The following CTBP2 variants were observed in gnomAD, a reference collection of about 807,000 sequenced individuals.
CTBP2 encodes C-terminal binding protein 2.
CTBP2 carries 30 observed loss-of-function variants against 80.3 expected under a neutral mutation model. The observed-to-expected ratio is 0.37, with a 90% confidence interval of 0.28 to 0.51. The LOEUF is 0.51. CTBP2 is among the 20% of genes least tolerant of loss of function. The pLI, the probability that CTBP2 is intolerant of heterozygous loss-of-function variation, is 0.93. For synonymous variants in CTBP2, 594 were observed against 587.4 expected (o/e 1.01, Z -0.16); for missense variants, 1,212 against 1,375.3 (o/e 0.88, Z 1.88).
At chr10:125,002,441 A>T (rs926735495) in intron 3 of CTBP2, among the ~76,000 whole-genome samples, 1 of 152,170 alleles carries the variant, frequency 6.6e-6, no homozygotes, top group Non-Finnish European at 1.5e-5. Flanking sequence ...CTCTGTCATC[A>T]ACTGTGTTGG....
chr10:125,086,289 T>C (rs915852810), intron 2 of CTBP2, among the ~76,000 whole-genome samples: 13 of 152,108 alleles, frequency 8.5e-5, no homozygotes, highest in Non-Finnish European at 1.8e-4. Flanking sequence ...CCTAGCACTT[T>C]GGGAGGCCGA....
chr10:124,997,926 C>T (rs367714862), intron 4 of CTBP2, 38 bp downstream of exon 6: 343 of 1,583,110 alleles, frequency 2.2e-4, no homozygotes, highest in Non-Finnish European at 2.5e-4. Flanking sequence ...GCCCCAGTGT[C>T]GGAGGGGTTG....
chr10:125,055,624 A>C (rs1963724815), intron 2 of CTBP2, among the ~76,000 whole-genome samples: 1 of 152,214 alleles, frequency 6.6e-6, no homozygotes, highest in South Asian at 2.1e-4. Flanking sequence ...AAACACGGCT[A>C]CGTCTCACAA....
At chr10:125,144,883 C>A (rs1050418265) in intron 1 of CTBP2, among the ~76,000 whole-genome samples, 6 of 152,206 alleles carry the variant, frequency 3.9e-5, no homozygotes, top group Admixed American at 3.3e-4. Context: ...ACTGCCCAGC[C>A]TCATCTCAAT....
intron 2 of CTBP2, among the ~76,000 whole-genome samples, chr10:125,105,275 A>AAC (rs763298003): frequency 6.6e-6 from 1 of 152,196 alleles, no homozygotes. Context: ...GCTACTCTGG[A>AAC]ACCTGAGGAC....
At chr10:125,021,429 G>C (rs1280046863) in intron 1 of CTBP2, among the ~76,000 whole-genome samples, 1 of 152,168 alleles carries the variant, frequency 6.6e-6, no homozygotes, top group Non-Finnish European at 1.5e-5. Context: ...ATATTCCTGG[G>C]GTCTACGGCA....
At chr10:125,143,587 C>A (rs1301219589) in intron 1 of CTBP2, among the ~76,000 whole-genome samples, 1 of 152,190 alleles carries the variant, frequency 6.6e-6, no homozygotes. Context: ...TTACTAAATT[C>A]TAAAGCTTTT....
chr10:125,131,641 A>G (rs951155644), intron 1 of CTBP2, among the ~76,000 whole-genome samples: 2 of 152,204 alleles, frequency 1.3e-5, no homozygotes, highest in East Asian at 1.9e-4. Flanking sequence ...AAACAAGCCT[A>G]AAATTGTGTA....
chr10:125,124,601 AATC>A (rs1854909893), intron 1 of CTBP2, among the ~76,000 whole-genome samples: 1 of 152,366 alleles, frequency 6.6e-6, no homozygotes, highest in Admixed American at 6.5e-5. Flanking sequence ...ATCACTTTCA[AATC>A]ATCAACATTG....
chr10:125,036,668 GGTGTGTGTGTGT>G (rs59284647), intron 3 of CTBP2, among the ~76,000 whole-genome samples: 11,380 of 119,266 alleles, frequency 0.095, 467 homozygotes, highest in African/African-American at 0.16. Context: ...AGCTAGAGGG[GGTGTGTGTGTGT>G]GTGTGTGTGT....
At chr10:125,098,657 G>GGGGAGAGAGAGAGAGAGAGAGAGA (rs1849951176) in intron 2 of CTBP2, among the ~76,000 whole-genome samples, 1 of 44,968 alleles carries the variant, frequency 2.2e-5, no homozygotes, top group African/African-American at 9.7e-5. Context: ...TGGGGGAGGG[G>GGGGAGAGAGAGAGAGAGAGAGAGA]GAGAGAGAGA....
chr10:125,101,234 T>A (rs1366537594), intron 2 of CTBP2, among the ~76,000 whole-genome samples: 1 of 152,260 alleles, frequency 6.6e-6, no homozygotes, highest in Non-Finnish European at 1.5e-5. Context: ...GAAGTGGCCG[T>A]GTTCCCGGCC....
intron 1 of CTBP2, among the ~76,000 whole-genome samples, chr10:125,157,296 G>A (rs2133509577): frequency 6.7e-6 from 1 of 150,284 alleles, no homozygotes; most frequent in East Asian, 2.0e-4. Context: ...CAGTTTCAAA[G>A]CTCCCAGGCG....
chr10:125,143,437 C>T (rs776712874), intron 1 of CTBP2, among the ~76,000 whole-genome samples: 5 of 152,186 alleles, frequency 3.3e-5, no homozygotes, highest in Non-Finnish European at 7.3e-5. Context: ...GAGAACTCGC[C>T]ACTGCACTCC....
intron 1 of CTBP2, among the ~76,000 whole-genome samples, chr10:125,025,099 A>G (rs1351562783): frequency 1.3e-5 from 2 of 152,184 alleles, no homozygotes; most frequent in Non-Finnish European, 2.9e-5. Context: ...CTATTTTCAA[A>G]AAGGTAGATC....
intron 1 of CTBP2, among the ~76,000 whole-genome samples, chr10:125,136,511 G>T (rs978257799): frequency 6.6e-6 from 1 of 152,226 alleles, no homozygotes; most frequent in African/African-American, 2.4e-5. Context: ...GCCTTGAGTT[G>T]AAGAAAGGCC....
At chr10:125,049,876 G>A (rs902159464) in intron 2 of CTBP2, among the ~76,000 whole-genome samples, 13 of 152,200 alleles carry the variant, frequency 8.5e-5, no homozygotes, top group Admixed American at 8.5e-4. Context: ...GAGCCACCCC[G>A]CTCCAACTCT....
chr10:125,032,603 C>T (rs762522197), upstream of CTBP2, among the ~76,000 whole-genome samples: 1 of 152,256 alleles, frequency 6.6e-6, no homozygotes, highest in Non-Finnish European at 1.5e-5. Flanking sequence ...CAGGCCAAGG[C>T]ATGGCCGCTT....
At chr10:125,077,094 A>C (rs927633532) in intron 2 of CTBP2, among the ~76,000 whole-genome samples, 2 of 151,590 alleles carry the variant, frequency 1.3e-5, no homozygotes, top group Non-Finnish European at 2.9e-5. Flanking sequence ...CCACTCTTGC[A>C]CTCCATGAAA....
Sources: gnomAD v4.1 joint callset for allele counts (sites outside exome capture counted in the v4.1 genomes callset) on GRCh38, gnomAD v4.1.1 for gene constraint, MANE v1.5 for transcripts, NCBI Gene and HGNC (gene_info 2026-07-23, HGNC 2026-07-21) for gene names.